TRAPPC9: variants seen among roughly 807,000 people sequenced by gnomAD.
TRAPPC9 encodes the protein trafficking protein particle complex subunit 9.
TRAPPC9 carries 83 observed loss-of-function variants against 124.0 expected under a neutral mutation model. The observed-to-expected ratio is 0.67, with a 90% CI of 0.56 to 0.80. The LOEUF (loss-of-function observed/expected upper bound fraction) is 0.80, where lower values mean the gene tolerates loss of function less well. Among genes scored for constraint, TRAPPC9 ranks in the 30% least tolerant of loss-of-function variants. TRAPPC9 has a pLI of 0.00. For synonymous variants in TRAPPC9, 638 were observed against 617.5 expected, an observed-to-expected ratio of 1.03 and a Z score of -0.49; for missense variants, 1,302 against 1,508.3, an observed-to-expected ratio of 0.86 and a Z score of 2.27.
chr8:139,910,188 C>T lies in TRAPPC9; in HGVS notation c.2923G>A (p.Gly975Ser), dbSNP rs775769861. The T allele has an allele frequency of 6.2e-6, 10 of 1,614,074 alleles. No homozygotes were observed. The highest frequency in any genetic ancestry group is 1.6e-4 in the Middle Eastern group (1 of 6,084). The change falls in exon 20 of 23, where the codon GGC becomes AGC. Residue 975 changes from glycine to serine, a missense_variant. Physicochemically the swap from Gly to Ser is moderately conservative, Grantham distance 56. This residue lies in a region of TRAPPC9 where 640 missense variants were observed against 679.3 expected (regional missense o/e 0.94). Transcript: ENST00000438773. ...CCCAGCTTGCTGTGGATCTCCAGGC[C>T]TCGGGCTTCCCGCCGCTCTTCCTCC... Reference protein sequence around the residue: ...QLEEERREARGLEIHSKLGIC... With the variant: ...QLEEERREARSLEIHSKLGIC...
chr8:140,346,066 C>T (rs1325234222), intron 9 of TRAPPC9, among the ~76,000 whole-genome samples: 1 of 152,236 alleles, frequency 6.6e-6, no homozygotes, highest in Non-Finnish European at 1.5e-5. Context: ...ACAAACACAT[C>T]CTAGTGTTCA....
intron 21 of TRAPPC9, among the ~76,000 whole-genome samples, chr8:139,881,551 C>G (rs1829673937): frequency 6.6e-6 from 1 of 152,128 alleles, no homozygotes; most frequent in Admixed American, 6.5e-5. Flanking sequence ...AGTCACTCAC[C>G]CACATCTGAT....
chr8:140,236,225 A>C (rs774250373), intron 16 of TRAPPC9, among the ~76,000 whole-genome samples: 22 of 151,954 alleles, frequency 1.4e-4, no homozygotes, highest in Non-Finnish European at 3.1e-4. Context: ...TGGGATTATA[A>C]GCGTGTGCCA....
Position 140,371,062 on chromosome 8 carries a change from G to C in TRAPPC9, c.1253C>G (p.Pro418Arg). ...KRVAAMQCVA[P>R]SIAEPGWRAC... ...CCTCCACCCAGGCTCCGCGATGCTT[G>C]GGGCCACGCACTGCATGGCGGCCAC... The change falls in exon 8 of 23, where the codon CCA (proline) becomes CGA (arginine). Residue 418 changes from proline to arginine, a missense_variant. Pro to Arg is a moderately radical substitution (Grantham distance 103). Coordinates refer to ENST00000438773, the MANE Select transcript of TRAPPC9 (RefSeq NM_001160372.4). The C allele has an allele frequency of 2.5e-6, 4 of 1,614,262 alleles. No homozygotes were observed. Among genetic ancestry groups the C allele is most frequent in the Non-Finnish European group, 3.4e-6 (4 of 1,180,050 alleles).
intron 21 of TRAPPC9, among the ~76,000 whole-genome samples, chr8:139,792,118 G>A (rs1292536380): frequency 6.6e-6 from 1 of 152,124 alleles, no homozygotes; most frequent in Non-Finnish European, 1.5e-5. Flanking sequence ...CTAGACTCCA[G>A]GCCTGTGCTG....
rs1172162648 is a variant in TRAPPC9 at position 140,087,473 on chromosome 8, C to A, written c.2557-63394G>T. On this transcript the variant is annotated intron_variant, in intron 17 of 22. Coordinates refer to ENST00000438773, the MANE Select transcript of TRAPPC9 (RefSeq NM_001160372.4). The surrounding 1 kb of genome is among the most constrained non-coding windows in gnomAD (Gnocchi z 4.6). ...CCCCGCTGAAGAGCCGAACGGTGCTCACACATGACTCGCCTGAAGAATATG... is the reference window on the plus strand; with the variant it reads ...CCCCGCTGAAGAGCCGAACGGTGCTAACACATGACTCGCCTGAAGAATATG... Among the ~76,000 whole-genome samples the A allele has an allele frequency of 6.6e-6, 1 of 152,218 alleles. No individual in the cohort carries two copies. The highest frequency in any genetic ancestry group is 1.5e-5 in the Non-Finnish European group (1 of 68,046).
In TRAPPC9 at chr8:140,451,173, C is replaced by T; in HGVS notation, c.201G>A (p.Glu67=). Residue 67 remains glutamate, a synonymous_variant, in exon 2 of 23, where the codon GAG becomes GAA. Coordinates refer to ENST00000438773, the MANE Select transcript of TRAPPC9 (RefSeq NM_001160372.4). ...TGCGGTGGGTCTGGAAGTCACCCCA[C>T]TCGTTGTTCTCGGGTGGGTAGTGGT... ...YRHHYPPENN[E]WGDFQTHRKV... 6.2e-6 allele frequency: 10 copies of T among 1,614,082 alleles called. No homozygotes were observed. Among genetic ancestry groups the T allele is most frequent in the Non-Finnish European group, 7.6e-6 (9 of 1,180,002 alleles).
At chr8:140,148,105 C>A (rs1348132334) in intron 17 of TRAPPC9, among the ~76,000 whole-genome samples, 2 of 152,208 alleles carry the variant, frequency 1.3e-5, no homozygotes, top group Non-Finnish European at 2.9e-5. Flanking sequence ...TTGTCACGCA[C>A]ACGGGAAGCC....
intron 21 of TRAPPC9, among the ~76,000 whole-genome samples, chr8:139,807,958 G>A (rs1464372006): frequency 6.6e-6 from 1 of 152,130 alleles, no homozygotes; most frequent in Non-Finnish European, 1.5e-5. Context: ...AAGGGCATTC[G>A]GGTGTGGGGG....
intron 17 of TRAPPC9, among the ~76,000 whole-genome samples, chr8:140,048,265 C>T (rs1841750280): frequency 6.6e-6 from 1 of 152,180 alleles, no homozygotes; most frequent in Non-Finnish European, 1.5e-5. Context: ...GCAACGTGTC[C>T]AATCAATTGT....
At chr8:139,974,008 C>G (rs1001367787) in intron 19 of TRAPPC9, among the ~76,000 whole-genome samples, 4 of 152,172 alleles carry the variant, frequency 2.6e-5, no homozygotes, top group African/African-American at 9.7e-5. Flanking sequence ...GCTTCGAGAG[C>G]GGCCTGACGG....
At chr8:140,415,410 C>G (rs1457872787) in intron 5 of TRAPPC9, among the ~76,000 whole-genome samples, 2 of 151,308 alleles carry the variant, frequency 1.3e-5, no homozygotes, top group Admixed American at 6.6e-5. Context: ...AAAAAATTAG[C>G]CGGGCGTGGT....
intron 21 of TRAPPC9, among the ~76,000 whole-genome samples, chr8:139,856,550 C>T (rs1329456451): frequency 6.6e-6 from 1 of 152,178 alleles, no homozygotes; most frequent in East Asian, 1.9e-4. Context: ...TTCCCCTGAG[C>T]TCATGGGTAA....
At chr8:140,011,472 C>T (rs1347291721) in intron 18 of TRAPPC9, among the ~76,000 whole-genome samples, 1 of 148,224 alleles carries the variant, frequency 6.7e-6, no homozygotes, top group African/African-American at 2.5e-5. Context: ...AGATACTCGT[C>T]TCTACTTAAC....
intron 9 of TRAPPC9, among the ~76,000 whole-genome samples, chr8:140,342,684 T>A (rs1340474823): frequency 6.6e-6 from 1 of 151,352 alleles, no homozygotes; most frequent in Non-Finnish European, 1.5e-5. Flanking sequence ...ATATAGCAAA[T>A]CGAAGGTCCA....
chr8:140,419,537 T>A (rs2070117597), intron 5 of TRAPPC9, among the ~76,000 whole-genome samples: 1 of 150,842 alleles, frequency 6.6e-6, no homozygotes, highest in East Asian at 2.0e-4. Context: ...GCTACCATCA[T>A]GCTTCATGAT....
At chr8:140,181,337 T>A (rs148082422) in intron 17 of TRAPPC9, among the ~76,000 whole-genome samples, 2 of 152,348 alleles carry the variant, frequency 1.3e-5, no homozygotes, top group African/African-American at 4.8e-5. Flanking sequence ...CTCAGCTCAC[T>A]ACAACTTCCA....
rs532993198 is a variant in TRAPPC9, at chr8:139,828,810, C to T, written c.3055+57069G>A. On this transcript the variant is annotated intron_variant, in intron 21 of 22. Transcript: ENST00000438773. ...AGGCCCTCTGTCCCCCAGAGCCCAA[C>T]GTCTGAATCTCAGCATGAAACCAAT... Among the ~76,000 whole-genome samples, 22 of 152,274 alleles carry T rather than the reference C, an allele frequency of 1.4e-4. No homozygotes were observed. The Middle Eastern group carries it at 0.014, about 94-fold the overall frequency.
chr8:140,109,571 G>C (rs2060726171), intron 17 of TRAPPC9, among the ~76,000 whole-genome samples: 1 of 152,060 alleles, frequency 6.6e-6, no homozygotes, highest in African/African-American at 2.4e-5. Flanking sequence ...TACCCCTCAG[G>C]GTTAAGGATT....
Sources: gnomAD v4.1 joint callset for allele counts (sites outside exome capture counted in the v4.1 genomes callset) on GRCh38, gnomAD v4.1.1 for gene constraint, gnomAD v4.1.1 regional missense constraint, Gnocchi (gnomAD v3.1) non-coding constraint, MANE v1.5 for transcripts, NCBI Gene and HGNC (gene_info 2026-07-23, HGNC 2026-07-21) for gene names.